The following IFNLR1 variants were observed in gnomAD, a reference collection of about 807,000 sequenced individuals.
IFNLR1 encodes the protein interferon lambda receptor 1, also known as CRF2-12.
A neutral mutation model predicts 52.5 loss-of-function variants in IFNLR1; 28 were observed. The observed-to-expected ratio is 0.53, with a 90% CI of 0.40 to 0.73. The LOEUF is 0.73. IFNLR1 is among the 30% of genes least tolerant of loss of function. The pLI, the probability that IFNLR1 is intolerant of heterozygous loss-of-function variation, is 0.00. For missense variants in IFNLR1, 623 were observed against 659.1 expected (o/e 0.95, Z 0.60); for synonymous variants, 276 against 274.9 (o/e 1.00, Z -0.04).
At chr1:24,187,020 T>C (rs1261784545) in intron 1 of IFNLR1, among the ~76,000 whole-genome samples, 171 bp downstream of exon 1, 4 of 152,232 alleles carry the variant, frequency 2.6e-5, no homozygotes, top group Admixed American at 1.3e-4. Context: ...GACCCGGTTC[T>C]GTTCAGTCCT....
intron 1 of IFNLR1, among the ~76,000 whole-genome samples, chr1:24,184,650 A>T (rs1414022422): frequency 6.6e-6 from 1 of 152,154 alleles, no homozygotes; most frequent in Non-Finnish European, 1.5e-5. Flanking sequence ...ACTTGATTCA[A>T]ATGTCACTTC....
chr1:24,169,631 A>G (rs770141917), intron 2 of IFNLR1, 30 bp from the exon 3 acceptor site: 3 of 1,599,834 alleles, frequency 1.9e-6, no homozygotes, highest in Admixed American at 3.4e-5. Flanking sequence ...AGCTTGGGCC[A>G]TGGACTCAGC....
chr1:24,157,609 C>G lies in IFNLR1; in HGVS notation c.1084G>C (p.Ala362Pro), dbSNP rs141659592. 1.9e-4 allele frequency: 306 copies of G among 1,608,718 alleles called. 3 individuals are homozygous for G. The African/African-American group carries it at 3.1e-3, about 16-fold the overall frequency. The change falls in exon 7 of 7, where the codon GCT becomes CCT. Residue 362 changes from alanine (A) to proline (P), a missense_variant. Ala to Pro is a conservative substitution (Grantham distance 27). Coordinates refer to ENST00000327535, the MANE Select transcript of IFNLR1 (RefSeq NM_170743.4). This position sits in a 1 kb window ranked among gnomAD's most constrained non-coding sequence, Gnocchi z 5.1. ...GGCCTCCCTGAGTCCACCCCACCAGCCTCCGAGTGCCCTGGAGCCTGGTGC... is the reference window on the plus strand; with the variant it reads ...GGCCTCCCTGAGTCCACCCCACCAGGCTCCGAGTGCCCTGGAGCCTGGTGC... ...QEHQAPGHSEAGGVDSGRPRA... is the reference protein window; with the variant it reads ...QEHQAPGHSEPGGVDSGRPRA...
At chr1:24,180,020 A>T (rs3897439) in intron 2 of IFNLR1, among the ~76,000 whole-genome samples, 1 of 152,024 alleles carries the variant, frequency 6.6e-6, no homozygotes, top group African/African-American at 2.4e-5. Flanking sequence ...CATTTGGCCA[A>T]GCGCGGTGGC....
intron 3 of IFNLR1, among the ~76,000 whole-genome samples, chr1:24,163,922 G>A (rs998023275): frequency 9.2e-5 from 14 of 151,926 alleles, no homozygotes; most frequent in African/African-American, 3.1e-4. Context: ...CCATCCCAAT[G>A]TCCCCCAAAG....
At chr1:24,161,150 T>G (rs1412551653) in intron 4 of IFNLR1, among the ~76,000 whole-genome samples, 3 of 152,158 alleles carry the variant, frequency 2.0e-5, no homozygotes, top group Non-Finnish European at 4.4e-5. Context: ...AAGCCAAACA[T>G]ATCGACTATC....
chr1:24,166,141 G>A (rs982808748), intron 3 of IFNLR1, among the ~76,000 whole-genome samples: 1 of 151,932 alleles, frequency 6.6e-6, no homozygotes, highest in Non-Finnish European at 1.5e-5. Context: ...TAGCCAGAGA[G>A]CCTTCCTGTC....
At chr1:24,178,903 T>A (rs574216190) in intron 2 of IFNLR1, among the ~76,000 whole-genome samples, 14,718 of 152,092 alleles carry the variant, frequency 0.097, 1,966 homozygotes, top group African/African-American at 0.3. Context: ...ATCACCATTC[T>A]AATGTATAAA....
At position 24,159,499 on chromosome 1, in the gene IFNLR1, G is replaced by C. The variant is rs1644417550; in HGVS notation, c.645C>G (p.Pro215=). The C allele has an allele frequency of 6.2e-7, 1 of 1,614,042 alleles. No homozygotes were observed. The highest frequency in any genetic ancestry group is 1.1e-5 in the South Asian group (1 of 91,084). The change falls in exon 5 of 7, where the codon CCC becomes CCG. Residue 215 remains proline (P), a synonymous_variant. Transcript: ENST00000327535. Reference sequence around the variant, plus strand: ...CTGGGACCTCCAGCAAGAAGCAGGTGGGCTTAGAGAACTTGCTGTATTTCG... The same window carrying C: ...CTGGGACCTCCAGCAAGAAGCAGGTCGGCTTAGAGAACTTGCTGTATTTCG... ...SVPKYSKFSK[P]TCFLLEVPEA...
chr1:24,167,986 C>T (rs111637176), intron 3 of IFNLR1, among the ~76,000 whole-genome samples: 2 of 152,128 alleles, frequency 1.3e-5, no homozygotes, highest in Admixed American at 6.5e-5. Flanking sequence ...CTTGAGCCAC[C>T]GCGCCCGGCT....
At chr1:24,180,680 C>CCCCCCCCCCCCCCAATCATAACCAA in intron 2 of IFNLR1, 51 bp downstream of exon 2, 1 of 1,180,758 alleles carries the variant, frequency 8.5e-7, no homozygotes, top group Non-Finnish European at 1.2e-6. Flanking sequence ...CCTCCAGCCC[C>CCCCCCCCCCCCCCAATCATAACCAA]CACCCACCCC....
intron 1 of IFNLR1, among the ~76,000 whole-genome samples, chr1:24,184,204 C>T (rs942095959): frequency 1.3e-5 from 2 of 152,156 alleles, no homozygotes; most frequent in African/African-American, 4.8e-5. Flanking sequence ...GTTCCCTCTG[C>T]CTTAACAGTT....
intron 2 of IFNLR1, among the ~76,000 whole-genome samples, chr1:24,176,711 T>C (rs560979923): frequency 3.0e-4 from 46 of 152,280 alleles, no homozygotes; most frequent in African/African-American, 1.0e-3. Context: ...ACCTATTTCA[T>C]TTAGAGAGCA....
At chr1:24,179,488 G>A (rs574079716) in intron 2 of IFNLR1, among the ~76,000 whole-genome samples, 2 of 152,290 alleles carry the variant, frequency 1.3e-5, no homozygotes, top group South Asian at 4.1e-4. Context: ...TCTTGCTTTT[G>A]AAAGCTCTCT....
chr1:24,180,672 TCCA>T, intron 2 of IFNLR1, 56 bp downstream of exon 2: 10 of 432,140 alleles, frequency 2.3e-5, no homozygotes, highest in Non-Finnish European at 3.9e-5. Context: ...GAGAAGCCCC[TCCA>T]GCCCCCACCC....
chr1:24,176,557 G>A (rs939425707), intron 2 of IFNLR1, among the ~76,000 whole-genome samples: 1 of 152,226 alleles, frequency 6.6e-6, no homozygotes. Context: ...GATAAGAAAT[G>A]TGCGCTCTTA....
chr1:24,159,537 T>C lies in IFNLR1; in HGVS notation c.607A>G (p.Thr203Ala). The C allele has an allele frequency of 1.2e-6, 2 of 1,613,968 alleles. No homozygotes were observed. The highest frequency in any genetic ancestry group is 1.7e-6 in the Non-Finnish European group (2 of 1,179,962). Residue 203 changes from threonine to alanine, a missense_variant, in exon 5 of 7, where the codon ACG (threonine) becomes GCG (alanine). Coordinates refer to ENST00000327535, the MANE Select transcript of IFNLR1 (RefSeq NM_170743.4). Reference sequence around the variant, plus strand: ...TTGCTGTATTTCGGGACACTGAACGTGTAGATGGTTCTGGCACTGAGGCAG... The same window carrying C: ...TTGCTGTATTTCGGGACACTGAACGCGTAGATGGTTCTGGCACTGAGGCAG... ...HHCLSARTIY[T>A]FSVPKYSKFS... is the part of the protein sequence containing the mutation.
chr1:24,160,196 T>C (rs1299784131), intron 4 of IFNLR1, among the ~76,000 whole-genome samples: 1 of 152,182 alleles, frequency 6.6e-6, no homozygotes, highest in Non-Finnish European at 1.5e-5. Flanking sequence ...AGGCTTTCCA[T>C]CTTGGGGTCT....
intron 4 of IFNLR1, 88 bp from the exon 5 acceptor site, chr1:24,159,721 A>G: frequency 1.4e-6 from 1 of 694,038 alleles, no homozygotes. Context: ...CAGACATGGT[A>G]GGGTGTTTTT....
Sources: gnomAD v4.1 joint callset for allele counts (sites outside exome capture counted in the v4.1 genomes callset) on GRCh38, gnomAD v4.1.1 for gene constraint, Gnocchi (gnomAD v3.1) non-coding constraint, MANE v1.5 for transcripts, NCBI Gene and HGNC (gene_info 2026-07-23, HGNC 2026-07-21) for gene names.